The following PREX2 variants were observed in gnomAD, a reference collection of about 807,000 sequenced individuals.
PREX2 encodes the protein phosphatidylinositol 3,4,5-trisphosphate-dependent Rac exchanger 2 protein.
Under a neutral mutation model 203.2 loss-of-function variants are expected in PREX2, and 107 were observed. The ratio of observed to expected loss-of-function variants is 0.53; its 90% CI spans 0.45 to 0.62. The LOEUF (loss-of-function observed/expected upper bound fraction) is 0.62, where lower values mean the gene tolerates loss of function less well. Ranked by LOEUF, PREX2 falls within the 20% of genes least tolerant of loss-of-function variation. The pLI is 0.00. For missense variants in PREX2, 1,777 were observed against 1,955.9 expected (o/e 0.91, Z 1.72); for synonymous variants, 672 against 663.6 (o/e 1.01, Z -0.19).
chr8:68,049,024 A>G (rs1254327815), intron 8 of PREX2, among the ~76,000 whole-genome samples: 1 of 151,656 alleles, frequency 6.6e-6, no homozygotes, highest in Non-Finnish European at 1.5e-5. Context: ...TACATTTTCA[A>G]TGTTTTTAAT....
At chr8:68,110,914 G>C (rs1810521139) in intron 25 of PREX2, 1 of 435,534 alleles carries the variant, frequency 2.3e-6, no homozygotes, top group Non-Finnish European at 4.6e-6. Context: ...ATTATACTGT[G>C]ACTTTTCCCA....
chr8:68,105,552 C>T, intron 23 of PREX2: 1 of 1,111,964 alleles, frequency 9.0e-7, no homozygotes, highest in Non-Finnish European at 1.1e-6. Flanking sequence ...TGACATCACC[C>T]TATTCATTTC....
chr8:68,098,972 A>ATATATATATATATATG (rs1810178541), intron 22 of PREX2, among the ~76,000 whole-genome samples: 2 of 142,982 alleles, frequency 1.4e-5, no homozygotes, highest in African/African-American at 5.3e-5. Context: ...ATATATATAT[A>ATATATATATATATATG]TATATCTCAC....
In PREX2 at chr8:68,065,201, G is replaced by A. The variant is rs376493486; in HGVS notation, c.1340-3832G>A. Among the ~76,000 whole-genome samples, 118 of 152,298 alleles carry A rather than the reference G, an allele frequency of 7.7e-4. 1 individual carries two copies. The South Asian group carries it at 0.022, about 29-fold the overall frequency. On this transcript the variant is annotated intron_variant, in intron 11 of 39. Coordinates refer to ENST00000288368, the MANE Select transcript of PREX2 (RefSeq NM_024870.4). ...GCCTTACAGCTAGGCTCTCCCTGTC[G>A]AATAGGTTAGACTACCACTTGTTTC...
chr8:67,961,874 G>A (rs1346408994), intron 1 of PREX2, among the ~76,000 whole-genome samples: 1 of 152,124 alleles, frequency 6.6e-6, no homozygotes, highest in South Asian at 2.1e-4. Flanking sequence ...CAAGGACATT[G>A]TGTTTTGTTA....
Position 68,138,439 on chromosome 8 carries a change from GA to G in PREX2, c.4010del (p.Asp1337ValfsTer41), listed in dbSNP as rs1287767399. The G allele has an allele frequency of 6.3e-7, 1 of 1,599,420 alleles. No individual in the cohort carries two copies. The highest frequency in any genetic ancestry group is 1.3e-5 in the African/African-American group (1 of 74,610). On this transcript the variant is annotated frameshift_variant, in exon 33 of 40. Coordinates refer to ENST00000288368, the MANE Select transcript of PREX2 (RefSeq NM_024870.4). LOFTEE classifies it high-confidence loss of function. The stretch of plus-strand genomic sequence containing the variant: ...GACAGATGAACAAGCCATGTTAGAA[GA>G]TACACTGGTTGCACTATTTGATTTG... ...NLTDEQAMLE[D>X]TLVALFDLEK...
chr8:68,120,828 G>A, intron 29 of PREX2, 93 bp from the exon 30 acceptor site: 4 of 1,075,566 alleles, frequency 3.7e-6, no homozygotes, highest in Middle Eastern at 2.1e-4. Flanking sequence ...CAATAGTCTA[G>A]GACAACAGTG....
intron 35 of PREX2, among the ~76,000 whole-genome samples, chr8:68,187,638 A>G (rs1056292073): frequency 1.2e-4 from 19 of 152,212 alleles, no homozygotes; most frequent in African/African-American, 2.4e-5. Context: ...ATTTTTTACC[A>G]CATTGCTTTT....
intron 24 of PREX2, among the ~76,000 whole-genome samples, chr8:68,108,639 G>A (rs1360889201): frequency 6.6e-6 from 1 of 152,124 alleles, no homozygotes; most frequent in Admixed American, 6.5e-5. Context: ...GAAACTTTGA[G>A]GACAATACCT....
intron 39 of PREX2, among the ~76,000 whole-genome samples, chr8:68,227,218 G>A (rs1813072869): frequency 6.6e-6 from 1 of 152,180 alleles, no homozygotes; most frequent in South Asian, 2.1e-4. Flanking sequence ...AATTATGGTA[G>A]TATTGAGGCC....
At chr8:68,212,210 T>G (rs1283897866) in intron 37 of PREX2, among the ~76,000 whole-genome samples, 1 of 152,164 alleles carries the variant, frequency 6.6e-6, no homozygotes, top group African/African-American at 2.4e-5. Context: ...TTAACTCTCC[T>G]TGAAATGGTC....
intron 31 of PREX2, among the ~76,000 whole-genome samples, chr8:68,128,596 G>GCTGCATGGA (rs1810942438): frequency 6.6e-6 from 1 of 152,094 alleles, no homozygotes; most frequent in Non-Finnish European, 1.5e-5. Context: ...AGGTAACAGG[G>GCTGCATGGA]CTGCCTGGAC....
intron 32 of PREX2, among the ~76,000 whole-genome samples, chr8:68,135,099 TTGTGTGTG>T (rs9298129): frequency 6.7e-5 from 10 of 148,902 alleles, no homozygotes; most frequent in Non-Finnish European, 7.5e-5. Flanking sequence ...AAAACAAATT[TTGTGTGTG>T]TGTGTGTGTG....
chr8:68,202,364 A>C (rs1812522939), intron 37 of PREX2, among the ~76,000 whole-genome samples: 1 of 152,132 alleles, frequency 6.6e-6, no homozygotes, highest in Non-Finnish European at 1.5e-5. Context: ...AGGATTGGAG[A>C]GTGGAAGGCT....
intron 37 of PREX2, among the ~76,000 whole-genome samples, chr8:68,201,393 G>A (rs1812498762): frequency 6.6e-6 from 1 of 152,128 alleles, no homozygotes; most frequent in South Asian, 2.1e-4. Context: ...AAGGAGTATT[G>A]ACTCACACGA....
chr8:68,188,441 A>G (rs1412077660), intron 35 of PREX2, among the ~76,000 whole-genome samples: 4 of 152,240 alleles, frequency 2.6e-5, no homozygotes, highest in Non-Finnish European at 4.4e-5. Context: ...AATTTTCCCC[A>G]GAAGATTTAA....
At chr8:68,075,607 C>T (rs914364806) in intron 14 of PREX2, among the ~76,000 whole-genome samples, 5 of 152,130 alleles carry the variant, frequency 3.3e-5, no homozygotes, top group Admixed American at 3.3e-4. Flanking sequence ...TTTTAATGAC[C>T]AAATCCTACC....
intron 19 of PREX2, among the ~76,000 whole-genome samples, chr8:68,088,506 T>C (rs1809770676): frequency 6.6e-6 from 1 of 152,212 alleles, no homozygotes; most frequent in Non-Finnish European, 1.5e-5. Context: ...TTTTTATTAC[T>C]AAAGAATGTA....
At chr8:68,194,748 C>T (rs969218701) in intron 37 of PREX2, among the ~76,000 whole-genome samples, 10 of 151,066 alleles carry the variant, frequency 6.6e-5, no homozygotes, top group Non-Finnish European at 1.3e-4. Flanking sequence ...TCGCAGTGAG[C>T]GGAGATCATG....
Sources: gnomAD v4.1 joint callset for allele counts (sites outside exome capture counted in the v4.1 genomes callset) on GRCh38, gnomAD v4.1.1 for gene constraint, MANE v1.5 for transcripts, NCBI Gene and HGNC (gene_info 2026-07-23, HGNC 2026-07-21) for gene names.